ARHGEF12: variants seen among roughly 807,000 people sequenced by gnomAD.
The protein encoded by ARHGEF12 is KMT2A/ARHGEF12 fusion protein.
In ARHGEF12, 66 loss-of-function variants were observed where a neutral mutation model predicts 211.2. The ratio of observed to expected loss-of-function variants is 0.31; its 90% CI spans 0.26 to 0.38. The LOEUF (loss-of-function observed/expected upper bound fraction) is 0.38. Among genes scored for constraint, ARHGEF12 ranks in the 10% least tolerant of loss-of-function variants. The pLI, the probability that ARHGEF12 is intolerant of heterozygous loss-of-function variation, is 1.00. For synonymous variants in ARHGEF12, 592 were observed against 638.4 expected, an observed-to-expected ratio of 0.93 and a Z score of 1.09; for missense variants, 1,429 against 1,869.5, an observed-to-expected ratio of 0.76 and a Z score of 4.34.
At chr11:120,403,192 T>C (rs549342023) in intron 1 of ARHGEF12, among the ~76,000 whole-genome samples, 1 of 152,308 alleles carries the variant, frequency 6.6e-6, no homozygotes, top group East Asian at 1.9e-4. Context: ...AAAATGTAGC[T>C]GTGCTTAATA....
chr11:120,448,439 A>G, intron 20 of ARHGEF12, 91 bp downstream of exon 20: 2 of 904,854 alleles, frequency 2.2e-6, no homozygotes, highest in Non-Finnish European at 1.7e-6. Flanking sequence ...TATTTACTTA[A>G]TCAGCAAATT....
chr11:120,465,528 A>G (rs541310974), intron 28 of ARHGEF12, among the ~76,000 whole-genome samples, 166 bp downstream of exon 28: 178 of 152,078 alleles, frequency 1.2e-3, no homozygotes, highest in African/African-American at 4.0e-3. Flanking sequence ...GTGCAATGGC[A>G]CAATCTCAGC....
chr11:120,388,370 T>C (rs548708976), intron 1 of ARHGEF12, among the ~76,000 whole-genome samples: 1 of 152,334 alleles, frequency 6.6e-6, no homozygotes, highest in South Asian at 2.1e-4. Flanking sequence ...CATTCAGCTG[T>C]TGATGGGCAT....
intron 4 of ARHGEF12, chr11:120,410,591 G>C (rs1424778244): frequency 6.6e-6 from 1 of 152,068 alleles, no homozygotes; most frequent in Non-Finnish European, 1.5e-5. Context: ...GCTGGCACTT[G>C]AGCCCATATC....
intron 27 of ARHGEF12, chr11:120,463,525 C>CAAAAAAAA (rs11315620): frequency 1.2e-5 from 1 of 81,680 alleles, no homozygotes; most frequent in African/African-American, 4.3e-5. Context: ...AACTCAGTCT[C>CAAAAAAAA]AAAAAAAAAA....
At chr11:120,459,713 G>T (rs1946468438) in intron 26 of ARHGEF12, among the ~76,000 whole-genome samples, 1 of 151,938 alleles carries the variant, frequency 6.6e-6, no homozygotes, top group Non-Finnish European at 1.5e-5. Flanking sequence ...TTTAGGAATT[G>T]TTTTTATTTT....
At position 120,480,387 on chromosome 11, in the gene ARHGEF12, AGC is replaced by A; in HGVS notation, c.4195_4196del (p.Ala1399SerfsTer2). The A allele has an allele frequency of 6.2e-7, 1 of 1,613,578 alleles. No individual in the cohort carries two copies. The highest frequency in any genetic ancestry group is 8.5e-7 in the Non-Finnish European group (1 of 1,179,684). The part of the protein sequence containing the change: ...SDENPSEGDG[A>X]VNKEEKDVNL... Reference sequence around the variant, plus strand: ...ATGAGAATCCATCAGAAGGTGATGGAGCAGTTAACAAGGAAGAGAAGGATGTT... The same window carrying A: ...ATGAGAATCCATCAGAAGGTGATGGAAGTTAACAAGGAAGAGAAGGATGTT... On this transcript the variant is annotated frameshift_variant, in exon 38 of 41. Coordinates refer to ENST00000397843, the MANE Select transcript of ARHGEF12 (RefSeq NM_015313.3). LOFTEE classifies it high-confidence loss of function.
At position 120,346,867 on chromosome 11, in the gene ARHGEF12, T is replaced by A. The variant is rs1031108877; in HGVS notation, c.32+9592T>A. Among the ~76,000 whole-genome samples the A allele has an allele frequency of 5.9e-5, 9 of 152,328 alleles. No homozygotes were observed. In the South Asian group the frequency reaches 6.2e-4, roughly 11 times the overall value. ...ATTATTTTGAAGCAGTTTTTGGATATCATAATTTCACTTACAAGTATTTCA... is the reference window on the plus strand; with the variant it reads ...ATTATTTTGAAGCAGTTTTTGGATAACATAATTTCACTTACAAGTATTTCA... On this transcript the variant is annotated intron_variant, in intron 1 of 40. Coordinates refer to ENST00000397843, the MANE Select transcript of ARHGEF12 (RefSeq NM_015313.3).
In ARHGEF12 at chr11:120,475,333, T is replaced by C. The variant is rs530711605; in HGVS notation, c.3110-7T>C. The C allele has an allele frequency of 1.2e-6, 2 of 1,612,890 alleles. No individual in the cohort carries two copies. Among genetic ancestry groups the C allele is most frequent in the South Asian group, 2.2e-5 (2 of 90,928 alleles). On this transcript the variant is annotated splice_region_variant and splice_polypyrimidine_tract_variant and intron_variant, in intron 32 of 40. Coordinates refer to ENST00000397843, the MANE Select transcript of ARHGEF12 (RefSeq NM_015313.3). ...CTTACCATTTTTTTCTGCACTTTTATTTCTAGATTTATACACGTTGCTGCT... is the reference window on the plus strand; with the variant it reads ...CTTACCATTTTTTTCTGCACTTTTACTTCTAGATTTATACACGTTGCTGCT...
At chr11:120,407,893 CCCGAAACACTCAGGAATAGT>C in intron 3 of ARHGEF12, 70 bp downstream of exon 3, 1 of 1,284,812 alleles carries the variant, frequency 7.8e-7, no homozygotes, top group Non-Finnish European at 1.1e-6. Flanking sequence ...GCTTAAGCTA[CCCGAAACACTCAGGAATAGT>C]TGTTTGATCT....
chr11:120,441,684 T>A (rs751082542), intron 13 of ARHGEF12, 23 bp from the exon 14 acceptor site: 7 of 1,576,850 alleles, frequency 4.4e-6, no homozygotes, highest in East Asian at 2.2e-5. Flanking sequence ...GAGTTACTGA[T>A]GCATAATCAT....
chr11:120,440,765 C>A (rs1223756292), intron 13 of ARHGEF12, among the ~76,000 whole-genome samples: 2 of 152,118 alleles, frequency 1.3e-5, no homozygotes, highest in African/African-American at 4.8e-5. Flanking sequence ...ACATGCTTGC[C>A]TTATTCCTGC....
chr11:120,437,845 G>C (rs1337623226), intron 12 of ARHGEF12, among the ~76,000 whole-genome samples: 1 of 152,082 alleles, frequency 6.6e-6, no homozygotes, highest in African/African-American at 2.4e-5. Flanking sequence ...GTTCATGACT[G>C]GCTTCTCTCA....
intron 11 of ARHGEF12, 94 bp downstream of exon 11, chr11:120,432,005 C>A: frequency 8.0e-7 from 1 of 1,249,754 alleles, no homozygotes; most frequent in Non-Finnish European, 1.1e-6. Context: ...TTAGAGGTGT[C>A]TTAGCACTTT....
rs141457234 is a variant in ARHGEF12, at chr11:120,404,424, A to G, written c.33-1694A>G. Among the ~76,000 whole-genome samples, 1,001 of 152,320 alleles carry G rather than the reference A, an allele frequency of 6.6e-3. 10 individuals are homozygous for G. The highest frequency in any genetic ancestry group is 0.023 in the African/African-American group (949 of 41,564). ...AGCAGATACTTTAAAGTAGAATTCA[A>G]TGATTAGAGAAAAAATTATGATTTT... On this transcript the variant is annotated intron_variant, in intron 1 of 40. Transcript: ENST00000397843.
chr11:120,344,513 C>T (rs1942643733), intron 1 of ARHGEF12, among the ~76,000 whole-genome samples: 1 of 152,156 alleles, frequency 6.6e-6, no homozygotes, highest in Non-Finnish European at 1.5e-5. Flanking sequence ...TTGCCCAGTA[C>T]AGTCTCTGTG....
chr11:120,418,435 G>A (rs1945091953), intron 4 of ARHGEF12, among the ~76,000 whole-genome samples: 4 of 152,310 alleles, frequency 2.6e-5, no homozygotes, highest in Admixed American at 2.6e-4. Context: ...ACATACGACA[G>A]TTTGTTTATC....
chr11:120,376,586 G>A (rs1943729927), intron 1 of ARHGEF12, among the ~76,000 whole-genome samples: 1 of 152,058 alleles, frequency 6.6e-6, no homozygotes, highest in African/African-American at 2.4e-5. Context: ...TACAATGCAT[G>A]ATAATCACAC....
At chr11:120,389,737 T>C (rs1944155418) in intron 1 of ARHGEF12, among the ~76,000 whole-genome samples, 1 of 152,226 alleles carries the variant, frequency 6.6e-6, no homozygotes, top group Non-Finnish European at 1.5e-5. Flanking sequence ...AGTTCAGTTG[T>C]TTTAATTTTT....
Sources: gnomAD v4.1 joint callset for allele counts (sites outside exome capture counted in the v4.1 genomes callset) on GRCh38, gnomAD v4.1.1 for gene constraint, MANE v1.5 for transcripts, NCBI Gene and HGNC (gene_info 2026-07-23, HGNC 2026-07-21) for gene names.